LEPR: variants seen among roughly 807,000 people sequenced by gnomAD.
The protein encoded by LEPR is OB receptor.
Under a neutral mutation model 114.7 loss-of-function variants are expected in LEPR, and 56 were observed. That is an observed-to-expected ratio of 0.49 (90% CI 0.39 to 0.61). The LOEUF is 0.61. LEPR is among the 20% of genes least tolerant of loss of function. LEPR has a pLI of 0.00. For missense variants in LEPR, 1,202 were observed against 1,352.9 expected, an observed-to-expected ratio of 0.89 and a Z score of 1.75; for synonymous variants, 443 against 461.4, an observed-to-expected ratio of 0.96 and a Z score of 0.51.
intron 11 of LEPR, among the ~76,000 whole-genome samples, chr1:65,606,149 C>T (rs544763552): frequency 2.3e-4 from 35 of 152,122 alleles, no homozygotes; most frequent in African/African-American, 7.5e-4. Flanking sequence ...AAAAAATACA[C>T]GATAAGATTG....
At chr1:65,570,358 A>G (rs1654067249) in intron 3 of LEPR, 115 bp from the exon 4 acceptor site, 5 of 977,762 alleles carry the variant, frequency 5.1e-6, no homozygotes, top group South Asian at 5.0e-5. Flanking sequence ...CTCACTGAGG[A>G]CTTAGAAAGT....
At chr1:65,513,090 C>G (rs1649109102) in intron 2 of LEPR, among the ~76,000 whole-genome samples, 2 of 152,296 alleles carry the variant, frequency 1.3e-5, no homozygotes, top group Middle Eastern at 3.4e-3. Flanking sequence ...ACAATCTTGA[C>G]TGGCCTTTTT....
chr1:65,569,510 C>T (rs1165813369), intron 3 of LEPR, among the ~76,000 whole-genome samples: 3 of 151,892 alleles, frequency 2.0e-5, no homozygotes, highest in Non-Finnish European at 4.4e-5. Flanking sequence ...AGTTCGAGAC[C>T]AGCCTGGCCA....
At chr1:65,513,315 AG>A (rs796449144) in intron 2 of LEPR, among the ~76,000 whole-genome samples, 101 of 152,352 alleles carry the variant, frequency 6.6e-4, no homozygotes, top group African/African-American at 2.4e-3. Flanking sequence ...GGAGGGGAAC[AG>A]GCTGATAAAA....
At chr1:65,436,714 C>G (rs1646568314) in intron 2 of LEPR, among the ~76,000 whole-genome samples, 1 of 137,158 alleles carries the variant, frequency 7.3e-6, no homozygotes, top group East Asian at 1.9e-4. Context: ...TGCACAATCT[C>G]TCTTCACTTT....
At chr1:65,464,083 G>A (rs541592625) in intron 2 of LEPR, among the ~76,000 whole-genome samples, 33 of 152,246 alleles carry the variant, frequency 2.2e-4, no homozygotes, top group African/African-American at 7.0e-4. Context: ...TGGTGAGAGA[G>A]GGCATCCTTG....
intron 2 of LEPR, among the ~76,000 whole-genome samples, chr1:65,427,047 GTTA>G (rs889230898): frequency 1.2e-4 from 18 of 151,846 alleles, no homozygotes; most frequent in South Asian, 4.2e-4. Context: ...ATTGAAGTGA[GTTA>G]TTATGACAGT....
At chr1:65,626,609 T>A (rs1167106180) in intron 19 of LEPR, among the ~76,000 whole-genome samples, 1 of 152,174 alleles carries the variant, frequency 6.6e-6, no homozygotes, top group African/African-American at 2.4e-5. Context: ...TTTTTTCTCT[T>A]TAGCCTGTTG....
chr1:65,511,115 C>A (rs540321992), intron 2 of LEPR, among the ~76,000 whole-genome samples: 1 of 152,260 alleles, frequency 6.6e-6, no homozygotes, highest in African/African-American at 2.4e-5. Flanking sequence ...CACCCAGTTT[C>A]CCCTATTATT....
intron 2 of LEPR, among the ~76,000 whole-genome samples, chr1:65,534,712 T>A (rs1650636515): frequency 6.6e-6 from 1 of 152,172 alleles, no homozygotes; most frequent in African/African-American, 2.4e-5. Context: ...GTGCCCTAGC[T>A]TTGGACCAAT....
chr1:65,510,181 C>T (rs1007432995), intron 2 of LEPR, among the ~76,000 whole-genome samples: 1 of 152,218 alleles, frequency 6.6e-6, no homozygotes. Flanking sequence ...TTAGGGTTCC[C>T]GAAGACCATC....
At chr1:65,458,637 T>C (rs1437618694) in intron 2 of LEPR, among the ~76,000 whole-genome samples, 1 of 152,204 alleles carries the variant, frequency 6.6e-6, no homozygotes, top group African/African-American at 2.4e-5. Context: ...TCTTTGATTT[T>C]CTGCAGTTTA....
At chr1:65,629,118 C>T (rs1438092129) in intron 19 of LEPR, among the ~76,000 whole-genome samples, 1 of 152,118 alleles carries the variant, frequency 6.6e-6, no homozygotes, top group Non-Finnish European at 1.5e-5. Context: ...CCCATATTGT[C>T]TTGTCACTTT....
chr1:65,597,911 T>C (rs1445358370), intron 7 of LEPR, among the ~76,000 whole-genome samples: 13 of 142,588 alleles, frequency 9.1e-5, no homozygotes, highest in African/African-American at 3.4e-4. Context: ...TTGAGGATTT[T>C]AAATAGGAGT....
chr1:65,436,818 T>TC (rs1441358908), intron 2 of LEPR, among the ~76,000 whole-genome samples: 1 of 152,220 alleles, frequency 6.6e-6, no homozygotes, highest in Non-Finnish European at 1.5e-5. Context: ...CATTCATTTT[T>TC]CCCCTCAGAA....
At chr1:65,467,908 G>T (rs7521122) in intron 2 of LEPR, among the ~76,000 whole-genome samples, 8,167 of 152,266 alleles carry the variant, frequency 0.054, 720 homozygotes, top group African/African-American at 0.19. Flanking sequence ...CACAGTATTT[G>T]GTCAGGAGTG....
chr1:65,504,796 C>T (rs1428968730), intron 2 of LEPR, among the ~76,000 whole-genome samples: 1 of 151,934 alleles, frequency 6.6e-6, no homozygotes, highest in African/African-American at 2.4e-5. Context: ...TGGTTATGAC[C>T]AATGCACCTC....
intron 2 of LEPR, among the ~76,000 whole-genome samples, chr1:65,476,010 C>G (rs1332900579): frequency 6.6e-6 from 1 of 151,492 alleles, no homozygotes; most frequent in African/African-American, 2.4e-5. Context: ...GAACGAGACC[C>G]TGTGTTAAAA....
chr1:65,639,080 T>C lies in LEPR; in HGVS notation c.*2065T>C, dbSNP rs1658798392. On this transcript the variant is annotated 3_prime_UTR_variant, in exon 20 of 20. Coordinates refer to ENST00000349533, the MANE Select transcript of LEPR (RefSeq NM_002303.6). ...TGTCCGCTGAGACACAGTATTCTCC[T>C]GTGATCTGGGACCCAGAATAACAGG... 6.6e-6 allele frequency: 1 copy of C among 152,220 alleles called. No homozygotes were observed. The allele number at this position is 152,220 out of a possible 1,614,324, so 9.4% of individuals were successfully genotyped here. A position where few individuals can be genotyped will look rare whatever the true frequency, so the allele number is the denominator to read the frequency against.
Sources: gnomAD v4.1 joint callset for allele counts (sites outside exome capture counted in the v4.1 genomes callset) on GRCh38, gnomAD v4.1.1 for gene constraint, MANE v1.5 for transcripts, NCBI Gene and HGNC (gene_info 2026-07-23, HGNC 2026-07-21) for gene names.